DGLUCY: variants seen among roughly 807,000 people sequenced by gnomAD.
DGLUCY encodes the protein D-glutamate cyclase, mitochondrial.
A neutral mutation model predicts 58.5 loss-of-function variants in DGLUCY; 58 were observed. The observed-to-expected ratio is 0.99, with a 90% CI of 0.80 to 1.23. The LOEUF (loss-of-function observed/expected upper bound fraction) is 1.23, where lower values mean the gene tolerates loss of function less well. DGLUCY is among the 50% of genes most tolerant of loss of function. The pLI is 0.00. For synonymous variants in DGLUCY, 325 were observed against 314.1 expected, an observed-to-expected ratio of 1.03 and a Z score of -0.37; for missense variants, 779 against 784.7, an observed-to-expected ratio of 0.99 and a Z score of 0.09.
At chr14:91,167,123 G>T in intron 3 of DGLUCY, 102 bp from the exon 4 acceptor site, 4 of 1,402,492 alleles carry the variant, frequency 2.9e-6, no homozygotes, top group Non-Finnish European at 3.8e-6. Context: ...TGGGCTACAA[G>T]AGCGAAACTC....
At chr14:91,090,394 G>C (rs1231818015) in intron 1 of DGLUCY, among the ~76,000 whole-genome samples, 1 of 151,918 alleles carries the variant, frequency 6.6e-6, no homozygotes, top group South Asian at 2.1e-4. Context: ...TTTTGTTTTA[G>C]ATGCCACTGC....
intron 1 of DGLUCY, among the ~76,000 whole-genome samples, chr14:91,087,763 A>G (rs1435318946): frequency 2.0e-5 from 3 of 152,214 alleles, no homozygotes; most frequent in African/African-American, 7.2e-5. Flanking sequence ...GCGTCAGGTT[A>G]TAAATGACCC....
At chr14:91,139,347 A>T (rs2046521401) in intron 1 of DGLUCY, among the ~76,000 whole-genome samples, 1 of 152,106 alleles carries the variant, frequency 6.6e-6, no homozygotes. Context: ...CAGTCTACTG[A>T]TTCAAATGCT....
At chr14:91,088,934 T>C (rs571503030) in intron 1 of DGLUCY, among the ~76,000 whole-genome samples, 1 of 152,316 alleles carries the variant, frequency 6.6e-6, no homozygotes, top group South Asian at 2.1e-4. Flanking sequence ...ATGGCATCTC[T>C]CTGTGGAAAC....
chr14:91,162,351 C>T (rs2048040611), intron 3 of DGLUCY, among the ~76,000 whole-genome samples: 1 of 152,168 alleles, frequency 6.6e-6, no homozygotes, highest in African/African-American at 2.4e-5. Context: ...CTCAGTTTAT[C>T]TACAAAGAAA....
chr14:91,189,010 C>A lies in DGLUCY; in HGVS notation c.1035C>A (p.Pro345=). 6.2e-7 allele frequency: 1 copy of A among 1,614,208 alleles called. No individual in the cohort carries two copies. The highest frequency in any genetic ancestry group is 1.1e-5 in the South Asian group (1 of 91,086). Residue 345 remains proline (P), a synonymous_variant, in exon 9 of 14, where the codon CCC becomes CCA. Coordinates refer to ENST00000256324, the MANE Select transcript of DGLUCY (RefSeq NM_001102368.3). ...CAGTGCTCATCACCACTGGGTTCCCCACACATTTCAATCATGAGCCTCCAG... is the reference window on the plus strand; with the variant it reads ...CAGTGCTCATCACCACTGGGTTCCCAACACATTTCAATCATGAGCCTCCAG... ...ARSVLITTGF[P]THFNHEPPEE...
At chr14:91,080,206 G>A (rs997593737) in intron 1 of DGLUCY, among the ~76,000 whole-genome samples, 1 of 152,066 alleles carries the variant, frequency 6.6e-6, no homozygotes, top group Non-Finnish European at 1.5e-5. Flanking sequence ...TGGACATTGC[G>A]ATTGTTTCTA....
At chr14:91,130,547 C>G (rs2045971671) in intron 1 of DGLUCY, among the ~76,000 whole-genome samples, 1 of 152,102 alleles carries the variant, frequency 6.6e-6, no homozygotes, top group African/African-American at 2.4e-5. Context: ...ACCTTGTGAT[C>G]CGCCCTCCTT....
At chr14:91,170,655 G>A (rs911141613) in intron 5 of DGLUCY, among the ~76,000 whole-genome samples, 1 of 152,154 alleles carries the variant, frequency 6.6e-6, no homozygotes, top group Non-Finnish European at 1.5e-5. Context: ...GTTCTTGGCC[G>A]GAGGTGGCCT....
In DGLUCY at chr14:91,199,793, A is replaced by G. The variant is rs151056692; in HGVS notation, c.1332A>G (p.Arg444=). The G allele has an allele frequency of 5.0e-6, 8 of 1,614,064 alleles. No individual in the cohort carries two copies. Among genetic ancestry groups the G allele is most frequent in the African/African-American group, 1.3e-5 (1 of 74,934 alleles). Residue 444 remains arginine (R), a synonymous_variant, in exon 11 of 14, where the codon AGA becomes AGG. Coordinates refer to ENST00000256324, the MANE Select transcript of DGLUCY (RefSeq NM_001102368.3). ...TGGTGGCCATAGAGCGTGCCGGAAG[A>G]GCTGCTGATGGCAATTACTACAATG... ...DHLVAIERAG[R]AADGNYYNAR... is the part of the protein sequence containing the mutation.
intron 6 of DGLUCY, among the ~76,000 whole-genome samples, chr14:91,174,655 A>C (rs979324363): frequency 6.6e-6 from 1 of 152,162 alleles, no homozygotes; most frequent in African/African-American, 2.4e-5. Context: ...TGTTTCCTCA[A>C]GGTCTGTGAG....
intron 1 of DGLUCY, among the ~76,000 whole-genome samples, chr14:91,066,520 G>A (rs776221794): frequency 6.6e-6 from 1 of 151,658 alleles, no homozygotes; most frequent in Non-Finnish European, 1.5e-5. Context: ...CATTCTATGT[G>A]GTCTCACCTA....
At position 91,189,170 on chromosome 14, in the gene DGLUCY, G is replaced by C; in HGVS notation, c.1195G>C (p.Gly399Arg). The change falls in exon 9 of 14, where the codon GGT (glycine) becomes CGT (arginine). Residue 399 changes from glycine to arginine, a missense_variant and splice_region_variant. Gly to Arg is a moderately radical substitution (Grantham distance 125, BLOSUM62 -2). Transcript: ENST00000256324. Reference protein sequence around the residue: ...QKIVEDAVEQGVLKTQIPILT... With the variant: ...QKIVEDAVEQRVLKTQIPILT... ...GATTGTTGAAGATGCTGTTGAGCAA[G>C]GTAAGCAGTGAGATGGGCTTGGTCC... 6.2e-7 allele frequency: 1 copy of C among 1,614,044 alleles called. No homozygotes were observed.
chr14:91,184,064 A>G (rs956148374), intron 8 of DGLUCY, among the ~76,000 whole-genome samples: 62 of 151,898 alleles, frequency 4.1e-4, no homozygotes, highest in Admixed American at 4.1e-3. Flanking sequence ...CTAGGTAGCT[A>G]CCTGCATCAA....
intron 1 of DGLUCY, among the ~76,000 whole-genome samples, chr14:91,061,777 A>G (rs889682466): frequency 6.6e-5 from 10 of 152,228 alleles, no homozygotes; most frequent in African/African-American, 2.4e-4. Context: ...GTGGTAAGAT[A>G]ATGGGGAACT....
chr14:91,121,826 T>C (rs1175550521), intron 1 of DGLUCY, among the ~76,000 whole-genome samples: 2 of 152,088 alleles, frequency 1.3e-5, no homozygotes, highest in Non-Finnish European at 2.9e-5. Context: ...ACCCCTACCC[T>C]TAAGAGGTTC....
At chr14:91,136,239 G>A (rs2046332326) in intron 1 of DGLUCY, among the ~76,000 whole-genome samples, 1 of 151,914 alleles carries the variant, frequency 6.6e-6, no homozygotes, top group African/African-American at 2.4e-5. Flanking sequence ...GGCCACATTA[G>A]CATTTTTTAT....
rs1048621996 is a variant in DGLUCY at position 91,100,111 on chromosome 14, C to T, written c.-82+39407C>T. On this transcript the variant is annotated intron_variant, in intron 1 of 4. Coordinates refer to the DGLUCY transcript ENST00000521334. ...AAAAGAAAAGAAAATTAGATGGTTT[C>T]GAAGTTTCCTTTCAGCTTTAACATT... is the stretch of plus-strand genomic sequence containing the variant. 3.3e-5 allele frequency among the ~76,000 whole-genome samples: 5 copies of T among 151,064 alleles called. No homozygotes were observed. The East Asian group carries it at 5.8e-4, about 17-fold the overall frequency.
At chr14:91,061,179 C>G (rs1378653432) in intron 1 of DGLUCY, among the ~76,000 whole-genome samples, 1 of 152,180 alleles carries the variant, frequency 6.6e-6, no homozygotes, top group African/African-American at 2.4e-5. Flanking sequence ...GGCAGCGATC[C>G]ATGCGTGTGT....
Sources: allele counts gnomAD v4.1 joint callset (sites outside exome capture counted in the v4.1 genomes callset), GRCh38; gene constraint gnomAD v4.1.1; transcripts MANE v1.5; gene names NCBI Gene and HGNC (gene_info 2026-07-23, HGNC 2026-07-21).